Variants in SPATA16 observed in about 807,000 individuals in gnomAD.
SPATA16 encodes the protein spermatogenesis-associated protein 16.
Under a neutral mutation model 63.3 loss-of-function variants are expected in SPATA16, and 36 were observed. The observed-to-expected ratio is 0.57, with a 90% CI of 0.44 to 0.75. SPATA16 has a LOEUF of 0.75. Ranked by LOEUF, SPATA16 falls within the 30% of genes least tolerant of loss-of-function variation. The pLI is 0.00. For synonymous variants in SPATA16, 203 were observed against 216.7 expected (o/e 0.94, Z 0.56); for missense variants, 646 against 679.3 (o/e 0.95, Z 0.54).
chr3:173,123,133 A>G (rs1407443236), intron 1 of SPATA16, among the ~76,000 whole-genome samples: 3 of 152,226 alleles, frequency 2.0e-5, no homozygotes, highest in African/African-American at 7.2e-5. Context: ...TTGCCCTACA[A>G]TGTATTTTAA....
At chr3:173,037,608 C>T (rs954777947) in intron 3 of SPATA16, among the ~76,000 whole-genome samples, 3 of 152,058 alleles carry the variant, frequency 2.0e-5, no homozygotes, top group East Asian at 1.9e-4. Context: ...AGGAAAGGTA[C>T]ATGGTCTGCA....
intron 2 of SPATA16, among the ~76,000 whole-genome samples, chr3:173,066,384 G>A (rs1472143346): frequency 6.6e-6 from 1 of 152,168 alleles, no homozygotes; most frequent in Non-Finnish European, 1.5e-5. Flanking sequence ...CTTCAGATGT[G>A]ACCCCACACA....
At chr3:173,094,380 A>G (rs1737298668) in intron 2 of SPATA16, among the ~76,000 whole-genome samples, 1 of 152,186 alleles carries the variant, frequency 6.6e-6, no homozygotes. Context: ...TAAAGAGGAA[A>G]GTAATTTTGA....
chr3:172,963,241 G>A (rs1733831742), intron 5 of SPATA16, among the ~76,000 whole-genome samples: 1 of 152,034 alleles, frequency 6.6e-6, no homozygotes, highest in Non-Finnish European at 1.5e-5. Flanking sequence ...ATATTTGGCA[G>A]CTTTGCCATT....
chr3:172,998,399 A>G (rs961418558), intron 4 of SPATA16, among the ~76,000 whole-genome samples: 4 of 152,140 alleles, frequency 2.6e-5, no homozygotes, highest in Admixed American at 2.6e-4. Context: ...TGTATCCTGC[A>G]ATCATGGTAC....
intron 2 of SPATA16, among the ~76,000 whole-genome samples, chr3:173,069,957 GA>G (rs35163779): frequency 0.21 from 31,245 of 147,074 alleles, 3,397 homozygotes; most frequent in South Asian, 0.3. Flanking sequence ...ATAAAAAGAC[GA>G]AAAAAAAAAA....
chr3:172,951,496 T>A (rs6767815), intron 6 of SPATA16, among the ~76,000 whole-genome samples: 43,282 of 148,416 alleles, frequency 0.29, 6,276 homozygotes, highest in Admixed American at 0.38. Context: ...TTTGATAATT[T>A]AAAAAAAAAA....
At chr3:172,965,799 A>T (rs1733905625) in intron 5 of SPATA16, among the ~76,000 whole-genome samples, 1 of 151,996 alleles carries the variant, frequency 6.6e-6, no homozygotes, top group Non-Finnish European at 1.5e-5. Flanking sequence ...GATGGTCTCG[A>T]TCTCTTGACC....
intron 6 of SPATA16, among the ~76,000 whole-genome samples, chr3:172,945,778 C>T (rs577430944): frequency 3.3e-5 from 5 of 152,298 alleles, no homozygotes; most frequent in Admixed American, 1.3e-4. Context: ...TAAAGAAGCT[C>T]TGGGGTTCTA....
intron 1 of SPATA16, among the ~76,000 whole-genome samples, chr3:173,121,475 A>G (rs1330243950): frequency 6.6e-6 from 1 of 152,060 alleles, no homozygotes; most frequent in East Asian, 1.9e-4. Flanking sequence ...ACCTCATTCT[A>G]CCTTTCCAAA....
intron 8 of SPATA16, among the ~76,000 whole-genome samples, chr3:172,923,235 T>C (rs1732654960): frequency 6.6e-6 from 1 of 152,162 alleles, no homozygotes; most frequent in African/African-American, 2.4e-5. Context: ...ATAGAGGAGA[T>C]AATTGAAACA....
intron 8 of SPATA16, among the ~76,000 whole-genome samples, chr3:172,917,970 A>G (rs902169948): frequency 6.6e-6 from 1 of 152,216 alleles, no homozygotes; most frequent in African/African-American, 2.4e-5. Flanking sequence ...ATTTGTCCCT[A>G]ACACCTACAT....
Position 173,053,841 on chromosome 3 carries a change from AT to A in SPATA16, c.613-4748del, listed in dbSNP as rs369016078. 7.5e-3 allele frequency among the ~76,000 whole-genome samples: 1,134 copies of A among 152,196 alleles called. 12 individuals carry two copies. Among genetic ancestry groups the A allele is most frequent in the African/African-American group, 0.026 (1,086 of 41,542 alleles). Reference sequence around the variant, plus strand: ...GGATATAGATAATCATCAATTGGTAATTTTTAAGGTTTTTGGAAATTATAAA... The same window carrying A: ...GGATATAGATAATCATCAATTGGTAATTTTAAGGTTTTTGGAAATTATAAA... On this transcript the variant is annotated intron_variant, in intron 2 of 10. Coordinates refer to ENST00000351008, the MANE Select transcript of SPATA16 (RefSeq NM_031955.6).
intron 6 of SPATA16, among the ~76,000 whole-genome samples, chr3:172,927,995 C>T (rs529169774): frequency 4.2e-4 from 64 of 152,068 alleles, no homozygotes; most frequent in African/African-American, 1.4e-3. Context: ...CTGCAAACTC[C>T]GCCTCCTGGG....
chr3:173,101,831 C>T (rs1379583790), intron 2 of SPATA16, among the ~76,000 whole-genome samples: 4 of 152,142 alleles, frequency 2.6e-5, no homozygotes, highest in South Asian at 4.1e-4. Flanking sequence ...CCTCCAACAT[C>T]TGTCCTTTCA....
intron 4 of SPATA16, among the ~76,000 whole-genome samples, chr3:173,010,435 C>CGTGTGTGTGTGTGTGTGT (rs66547523): frequency 6.4e-5 from 9 of 141,308 alleles, no homozygotes; most frequent in African/African-American, 1.3e-4. Flanking sequence ...CACGTTGTGG[C>CGTGTGTGTGTGTGTGTGT]GTGTGTGTGT....
intron 3 of SPATA16, among the ~76,000 whole-genome samples, chr3:173,042,118 G>A (rs1419619334): frequency 6.6e-6 from 1 of 151,954 alleles, no homozygotes; most frequent in Non-Finnish European, 1.5e-5. Flanking sequence ...AATTATCCAC[G>A]AAACTGTGAT....
chr3:173,071,737 AT>A (rs1380408197), intron 2 of SPATA16, among the ~76,000 whole-genome samples: 2 of 152,234 alleles, frequency 1.3e-5, no homozygotes, highest in African/African-American at 4.8e-5. Flanking sequence ...AGATAAAAAA[AT>A]GTGAATTAAA....
At chr3:173,043,553 A>G (rs1577145785) in intron 3 of SPATA16, among the ~76,000 whole-genome samples, 6 of 151,986 alleles carry the variant, frequency 3.9e-5, no homozygotes. Context: ...TTTATCTTTA[A>G]GGACATTTTG....
Sources: allele counts gnomAD v4.1 joint callset (sites outside exome capture counted in the v4.1 genomes callset), GRCh38; gene constraint gnomAD v4.1.1; transcripts MANE v1.5; gene names NCBI Gene and HGNC (gene_info 2026-07-23, HGNC 2026-07-21).